TP63: variants seen among roughly 807,000 people sequenced by gnomAD.
TP63 encodes tumor protein p63.
A neutral mutation model predicts 82.8 loss-of-function variants in TP63; 17 were observed. The observed-to-expected ratio is 0.21, with a 90% CI of 0.14 to 0.31. The LOEUF is 0.31. Among genes scored for constraint, TP63 ranks in the 10% least tolerant of loss-of-function variants. TP63 has a pLI of 1.00. For synonymous variants in TP63, 330 were observed against 321.7 expected (o/e 1.03, Z -0.28); for missense variants, 648 against 895.3 (o/e 0.72, Z 3.52).
At chr3:189,774,122 C>T (rs1426631955) in intron 3 of TP63, among the ~76,000 whole-genome samples, 2 of 151,930 alleles carry the variant, frequency 1.3e-5, no homozygotes, top group East Asian at 3.9e-4. Flanking sequence ...CGGGGTTTCA[C>T]CGTGTTAGCC....
chr3:189,598,084 A>G, the TP63 span, among the ~76,000 whole-genome samples: 1 of 152,220 alleles, frequency 6.6e-6, no homozygotes, highest in Non-Finnish European at 1.5e-5. Flanking sequence ...GTTGAGAAGA[A>G]GCAAAATAAC....
At chr3:189,738,500 A>T in intron 2 of TP63, 142 bp from the exon 3 acceptor site, 1 of 1,179,834 alleles carries the variant, frequency 8.5e-7, no homozygotes, top group Non-Finnish European at 1.2e-6. Context: ...TTGAGCCAGG[A>T]CTCAAACCTA....
chr3:189,800,538 C>T (rs183840127), intron 3 of TP63, among the ~76,000 whole-genome samples: 1 of 150,506 alleles, frequency 6.6e-6, no homozygotes, highest in Admixed American at 6.6e-5. Flanking sequence ...TTGTAACTTT[C>T]AGATAAAAAT....
intron 3 of TP63, among the ~76,000 whole-genome samples, chr3:189,746,188 A>G (rs1721360450): frequency 6.6e-6 from 1 of 152,094 alleles, no homozygotes; most frequent in Admixed American, 6.6e-5. Flanking sequence ...TGTCACTTAT[A>G]AAGAGACCCC....
chr3:189,723,503 A>G (rs1719547711), intron 1 of TP63, among the ~76,000 whole-genome samples: 2 of 152,360 alleles, frequency 1.3e-5, no homozygotes, highest in South Asian at 4.1e-4. Context: ...TGATGTTAGC[A>G]TTGTTACTTG....
chr3:189,863,233 C>A (rs928350596), intron 4 of TP63, among the ~76,000 whole-genome samples: 2 of 152,172 alleles, frequency 1.3e-5, no homozygotes, highest in African/African-American at 4.8e-5. Flanking sequence ...TCTTGGCCAG[C>A]AATTCCAGTG....
intron 3 of TP63, among the ~76,000 whole-genome samples, chr3:189,755,076 A>G (rs147716525): frequency 8.5e-5 from 13 of 152,220 alleles, no homozygotes; most frequent in African/African-American, 2.6e-4. Context: ...GACCTTTACA[A>G]TCTTTATGAG....
intron 1 of TP63, among the ~76,000 whole-genome samples, chr3:189,719,819 A>C (rs1394537772): frequency 6.6e-6 from 1 of 152,164 alleles, no homozygotes; most frequent in Non-Finnish European, 1.5e-5. Context: ...CTTTTTCTCT[A>C]TGAACTTTAA....
chr3:189,734,070 T>C (rs1011063754), intron 1 of TP63, among the ~76,000 whole-genome samples: 1 of 151,806 alleles, frequency 6.6e-6, no homozygotes, highest in Non-Finnish European at 1.5e-5. Flanking sequence ...TTTTCTTTCT[T>C]TTCTTTCTTT....
chr3:189,874,068 G>A (rs1718745062), intron 10 of TP63, among the ~76,000 whole-genome samples: 1 of 151,964 alleles, frequency 6.6e-6, no homozygotes, highest in African/African-American at 2.4e-5. Flanking sequence ...TAATAAAGAG[G>A]GCTTATGATT....
chr3:189,814,327 A>G (rs1727922938), intron 4 of TP63, among the ~76,000 whole-genome samples: 1 of 152,196 alleles, frequency 6.6e-6, no homozygotes, highest in Non-Finnish European at 1.5e-5. Context: ...TTTCTTTCAC[A>G]GTGGAAGCAC....
chr3:189,641,216 A>G lies in TP63; in HGVS notation c.62+9639A>G, dbSNP rs1448031880. Among the ~76,000 whole-genome samples the G allele has an allele frequency of 5.5e-4, 84 of 152,132 alleles. 1 individual carries two copies. The highest frequency in any genetic ancestry group is 7.4e-5 in the Non-Finnish European group (5 of 67,990). On this transcript the variant is annotated intron_variant, in intron 1 of 13. Transcript: ENST00000264731. The stretch of plus-strand genomic sequence containing the variant: ...ATTTATTAAATACTTGATACTGGAT[A>G]TATGATAAGAAATTTACAACTTCAA...
rs771020580 is a variant in TP63 at position 189,864,282 on chromosome 3, C to T, written c.630C>T (p.Pro210=). ...ACTGCCAAATTGCAAAGACATGCCC[C>T]ATCCAGATCAAGGTGATGACCCCAC... ...KLYCQIAKTC[P]IQIKVMTPPP... The change falls in exon 5 of 14, where the codon CCC becomes CCT. Residue 210 remains proline, a synonymous_variant. Coordinates refer to ENST00000264731, the MANE Select transcript of TP63 (RefSeq NM_003722.5). The T allele has an allele frequency of 1.2e-6, 2 of 1,614,066 alleles. No homozygotes were observed. The highest frequency in any genetic ancestry group is 1.7e-6 in the Non-Finnish European group (2 of 1,180,048).
chr3:189,755,728 T>C (rs1429557842), intron 3 of TP63, among the ~76,000 whole-genome samples: 1 of 152,324 alleles, frequency 6.6e-6, no homozygotes, highest in Non-Finnish European at 1.5e-5. Flanking sequence ...TTAATGTTTG[T>C]TATCAGTTTA....
At chr3:189,815,101 C>T (rs559247761) in intron 4 of TP63, among the ~76,000 whole-genome samples, 4 of 152,164 alleles carry the variant, frequency 2.6e-5, no homozygotes, top group African/African-American at 9.6e-5. Flanking sequence ...TCTACTCCCT[C>T]CTTCTCTTTT....
chr3:189,704,909 T>A (rs1202014198), intron 1 of TP63, among the ~76,000 whole-genome samples: 1 of 152,218 alleles, frequency 6.6e-6, no homozygotes, highest in Non-Finnish European at 1.5e-5. Context: ...TAAATCCAGC[T>A]AGCCAGCTAG....
chr3:189,887,664 G>A (rs573783692), intron 11 of TP63, among the ~76,000 whole-genome samples: 2 of 152,270 alleles, frequency 1.3e-5, no homozygotes, highest in South Asian at 2.1e-4. Context: ...GGATACAGAA[G>A]ACTGAACATT....
intron 1 of TP63, among the ~76,000 whole-genome samples, chr3:189,683,347 C>A (rs556810739): frequency 6.6e-6 from 1 of 152,142 alleles, no homozygotes; most frequent in South Asian, 2.1e-4. Context: ...TTGCCCAAGG[C>A]TTATGTCAGT....
rs1247416224 is a variant in TP63 at position 189,878,872 on chromosome 3, CT to C, written c.1349+5878del. Among the ~76,000 whole-genome samples, 4 of 110,008 alleles carry C rather than the reference CT, an allele frequency of 3.6e-5. 1 individual carries two copies. The highest frequency in any genetic ancestry group is 1.1e-4 in the African/African-American group (3 of 27,584). 72.2% of individuals were successfully genotyped at this position (110,008 alleles called of 152,430 possible). On this transcript the variant is annotated intron_variant, in intron 10 of 13. Coordinates refer to ENST00000264731, the MANE Select transcript of TP63 (RefSeq NM_003722.5). ...TCAAACCCCTGACCTTGTGATCCCC[CT>C]GACCTTGGCCTCCCACAGTGCTGGG... is the stretch of plus-strand genomic sequence containing the variant.
Sources: gnomAD v4.1 joint callset for allele counts (sites outside exome capture counted in the v4.1 genomes callset) on GRCh38, gnomAD v4.1.1 for gene constraint, MANE v1.5 for transcripts, NCBI Gene and HGNC (gene_info 2026-07-23, HGNC 2026-07-21) for gene names.